Variants in DCAF6 observed in about 807,000 individuals in gnomAD.
The protein encoded by DCAF6 is DDB1 and CUL4 associated factor 6, also known as DDB1- and CUL4-associated factor 6.
In DCAF6, 54 loss-of-function variants were observed where a neutral mutation model predicts 125.1. The observed-to-expected ratio is 0.43, with a 90% CI of 0.35 to 0.54. The LOEUF (loss-of-function observed/expected upper bound fraction) is 0.54. DCAF6 is among the 20% of genes least tolerant of loss of function. The probability of loss-of-function intolerance (pLI) is 0.01; values close to 1 mark genes in which losing one functional copy is unlikely to be tolerated. For synonymous variants in DCAF6, 371 were observed against 390.4 expected (o/e 0.95, Z 0.58); for missense variants, 934 against 1,161.7 (o/e 0.80, Z 2.85).
At chr1:167,910,366 G>A in the DCAF6 span, among the ~76,000 whole-genome samples, 1 of 152,260 alleles carries the variant, frequency 6.6e-6, no homozygotes, top group African/African-American at 2.4e-5. Flanking sequence ...TGTGAGGAAT[G>A]ATGGCAGAGA....
the DCAF6 span, among the ~76,000 whole-genome samples, chr1:167,891,279 C>T: frequency 1.3e-5 from 2 of 151,980 alleles, no homozygotes; most frequent in African/African-American, 4.8e-5. Flanking sequence ...TTTAATCTGC[C>T]ACACTCTCCT....
At chr1:167,908,100 C>A in the DCAF6 span, among the ~76,000 whole-genome samples, 117 of 152,312 alleles carry the variant, frequency 7.7e-4, 1 homozygote, top group South Asian at 0.023. Flanking sequence ...TCCCTGCACT[C>A]CCATGTTTAT....
the DCAF6 span, among the ~76,000 whole-genome samples, chr1:167,908,995 A>G: frequency 6.6e-6 from 1 of 152,238 alleles, no homozygotes; most frequent in Non-Finnish European, 1.5e-5. Context: ...AAATCCGTGT[A>G]ATACCCATTC....
chr1:167,979,154 CT>C (rs958997096), intron 4 of DCAF6, among the ~76,000 whole-genome samples: 6 of 148,332 alleles, frequency 4.0e-5, no homozygotes, highest in East Asian at 2.0e-4. Flanking sequence ...CTTGAGTCAA[CT>C]TTTTTTTTTA....
chr1:167,940,996 G>A (rs180836732), intron 1 of DCAF6, among the ~76,000 whole-genome samples: 1 of 152,036 alleles, frequency 6.6e-6, no homozygotes, highest in Admixed American at 6.6e-5. Context: ...ATAATTTTGC[G>A]TGTCGATTAC....
the DCAF6 span, among the ~76,000 whole-genome samples, chr1:167,901,377 G>T: frequency 6.6e-6 from 1 of 152,166 alleles, no homozygotes; most frequent in Non-Finnish European, 1.5e-5. Context: ...AGCAGTAGCA[G>T]TCATAAAGAC....
the DCAF6 span, chr1:167,924,640 C>T: frequency 2.2e-5 from 17 of 789,652 alleles, no homozygotes; most frequent in African/African-American, 2.9e-4. Context: ...ATTTATCAAC[C>T]TATTTTTAAC....
intron 12 of DCAF6, among the ~76,000 whole-genome samples, chr1:168,033,356 C>T (rs1296724675): frequency 2.0e-5 from 3 of 148,344 alleles, no homozygotes; most frequent in Admixed American, 1.3e-4. Context: ...TCGCCCAGGC[C>T]GGACTGCGGA....
At chr1:167,946,486 G>A (rs962058361) in intron 1 of DCAF6, among the ~76,000 whole-genome samples, 1 of 152,124 alleles carries the variant, frequency 6.6e-6, no homozygotes, top group African/African-American at 2.4e-5. Context: ...TCCCTATTCA[G>A]TATGATGTTA....
intron 1 of DCAF6, among the ~76,000 whole-genome samples, chr1:167,944,185 T>C (rs1672706271): frequency 6.6e-6 from 1 of 152,244 alleles, no homozygotes; most frequent in Non-Finnish European, 1.5e-5. Flanking sequence ...CCATTGTGTA[T>C]ATATACCACA....
chr1:167,978,734 A>G lies in DCAF6; in HGVS notation c.438+3719A>G, dbSNP rs967590592. ...CACTTTTTCACCCAGGCTGGAGAGC[A>G]GTGGCATGATTATAGCTCCTGGGTT... On this transcript the variant is annotated intron_variant, in intron 4 of 21. Transcript: ENST00000367840. Among the ~76,000 whole-genome samples the G allele has an allele frequency of 2.6e-5, 4 of 152,138 alleles. No individual in the cohort carries two copies. In the East Asian group the frequency reaches 7.7e-4, roughly 29 times the overall value.
chr1:167,993,725 G>C (rs1056676986), intron 7 of DCAF6, among the ~76,000 whole-genome samples: 13 of 151,732 alleles, frequency 8.6e-5, no homozygotes, highest in Non-Finnish European at 1.8e-4. Flanking sequence ...CTCCAGCCTG[G>C]GCAACAAAAG....
chr1:167,995,478 A>G (rs202257), intron 7 of DCAF6, among the ~76,000 whole-genome samples: 67,439 of 152,006 alleles, frequency 0.44, 16,710 homozygotes, highest in African/African-American at 0.66. Context: ...TCAGGAGTTC[A>G]AGACCAACCT....
At chr1:167,873,781 T>C in the DCAF6 span, among the ~76,000 whole-genome samples, 1 of 152,302 alleles carries the variant, frequency 6.6e-6, no homozygotes, top group Non-Finnish European at 1.5e-5. Context: ...CCATGATTTT[T>C]GGGTAAGGAA....
At chr1:167,890,958 TTTAG>T in the DCAF6 span, among the ~76,000 whole-genome samples, 10 of 151,574 alleles carry the variant, frequency 6.6e-5, no homozygotes, top group African/African-American at 9.7e-5. Context: ...TATTTATTTA[TTTAG>T]TTAGTTAGTT....
the DCAF6 span, among the ~76,000 whole-genome samples, chr1:167,900,701 T>A: frequency 8.5e-5 from 13 of 152,074 alleles, no homozygotes; most frequent in Non-Finnish European, 1.5e-4. Context: ...CCTGGCTAAT[T>A]TTTGTATTTT....
rs189947734 is a variant in DCAF6 at position 167,953,964 on chromosome 1, T to A, written c.159+2103T>A. ...TTTCGTACTTCATTGGTGATCTGAG[T>A]GGATACAGGATTCTAGGTTGGACAT... On this transcript the variant is annotated intron_variant, in intron 2 of 21. Transcript: ENST00000367840. 2.0e-5 allele frequency among the ~76,000 whole-genome samples: 3 copies of A among 152,212 alleles called. No individual in the cohort carries two copies. The East Asian group carries it at 5.8e-4, about 29-fold the overall frequency.
the DCAF6 span, chr1:167,904,757 G>T: frequency 1.6e-6 from 1 of 620,164 alleles, no homozygotes; most frequent in Non-Finnish European, 2.9e-6. Context: ...AGCAAAGAAT[G>T]GGACTTGAGC....
chr1:168,019,520 G>C (rs1229662122), intron 11 of DCAF6: 1 of 455,032 alleles, frequency 2.2e-6, no homozygotes, highest in Non-Finnish European at 4.4e-6. Flanking sequence ...CTGATTTTAA[G>C]CCCAACTCTT....
Sources: allele counts gnomAD v4.1 joint callset (sites outside exome capture counted in the v4.1 genomes callset), GRCh38; gene constraint gnomAD v4.1.1; transcripts MANE v1.5; gene names NCBI Gene and HGNC (gene_info 2026-07-23, HGNC 2026-07-21).